LAMB4: variants seen among roughly 807,000 people sequenced by gnomAD.
LAMB4 encodes the protein laminin subunit beta-4.
A neutral mutation model predicts 199.2 loss-of-function variants in LAMB4; 196 were observed. The observed-to-expected ratio is 0.98, with a 90% CI of 0.88 to 1.11. LAMB4 has a LOEUF of 1.11. LAMB4 is among the 50% of genes least tolerant of loss of function. The probability of loss-of-function intolerance (pLI) is 0.00; values close to 1 mark genes in which losing one functional copy is unlikely to be tolerated. For synonymous variants in LAMB4, 744 were observed against 770.6 expected, an observed-to-expected ratio of 0.97 and a Z score of 0.57; for missense variants, 2,080 against 2,171.2, an observed-to-expected ratio of 0.96 and a Z score of 0.83.
chr7:108,060,098 C>T (rs745403899), intron 23 of LAMB4, among the ~76,000 whole-genome samples: 2 of 152,180 alleles, frequency 1.3e-5, no homozygotes, highest in Non-Finnish European at 2.9e-5. Flanking sequence ...TAAATATCCA[C>T]GTCTTCCCCG....
intron 6 of LAMB4, 133 bp from the exon 7 acceptor site, chr7:108,106,705 C>T: frequency 1.8e-6 from 1 of 569,154 alleles, no homozygotes; most frequent in Non-Finnish European, 3.2e-6. Context: ...GCTGAGACCA[C>T]AGGCATGCAC....
At chr7:108,069,639 T>C (rs1401994507) in intron 18 of LAMB4, 69 bp downstream of exon 18, 1 of 1,430,822 alleles carries the variant, frequency 7.0e-7, no homozygotes, top group East Asian at 2.3e-5. Context: ...CTAACATAAA[T>C]TGATTTGCTC....
At chr7:108,082,173 A>T (rs1043792890) in intron 14 of LAMB4, among the ~76,000 whole-genome samples, 4 of 152,128 alleles carry the variant, frequency 2.6e-5, no homozygotes, top group Non-Finnish European at 5.9e-5. Flanking sequence ...TACTAAAAAT[A>T]CAAAAAGTTA....
Position 108,066,491 on chromosome 7 carries a change from T to G in LAMB4, c.2556A>C (p.Ala852=), listed in dbSNP as rs1484155711. 3 of 1,614,164 alleles carry G rather than the reference T, an allele frequency of 1.9e-6. No individual in the cohort carries two copies. The Admixed American group carries it at 5.0e-5, about 27-fold the overall frequency. ...GGCAGCTGGGAAATCCAAAGTAGCC[T>G]GCCAGGCAGCGATCACAGCGGCGGC... The part of the protein sequence containing the change: ...VSGRRCDRCL[A]GYFGFPSCHP... Residue 852 remains alanine, a synonymous_variant, in exon 20 of 34, where the codon GCA becomes GCC. Coordinates refer to ENST00000388781, the MANE Select transcript of LAMB4 (RefSeq NM_007356.3).
chr7:108,077,890 A>T (rs901452592), intron 16 of LAMB4, among the ~76,000 whole-genome samples: 2 of 152,208 alleles, frequency 1.3e-5, no homozygotes, highest in Non-Finnish European at 2.9e-5. Flanking sequence ...CAATATTTAG[A>T]GTCAGGATAT....
chr7:108,123,214 T>C lies in LAMB4; in HGVS notation c.-33-17A>G. The C allele has an allele frequency of 2.0e-6, 3 of 1,472,802 alleles. No homozygotes were observed. Among genetic ancestry groups the C allele is most frequent in the Non-Finnish European group, 2.8e-6 (3 of 1,065,334 alleles). The allele number at this position is 1,472,802 out of a possible 1,614,324, so 91.2% of individuals were successfully genotyped here. A position where few individuals can be genotyped will look rare whatever the true frequency, so the allele number is the denominator to read the frequency against. ...TCAATTCTACTGGGTTAAAAAAAGG[T>C]TAAAGTCAATCACTGATAGAAGAAA... On this transcript the variant is annotated splice_polypyrimidine_tract_variant and intron_variant, in intron 1 of 33. Coordinates refer to ENST00000388781, the MANE Select transcript of LAMB4 (RefSeq NM_007356.3).
chr7:108,077,334 G>A lies in LAMB4; in HGVS notation c.2004-270C>T, dbSNP rs188035074. On this transcript the variant is annotated intron_variant, in intron 16 of 33. Coordinates refer to ENST00000388781, the MANE Select transcript of LAMB4 (RefSeq NM_007356.3). ...GTTGTTATGACAGCTCTGGGGAAAGGATGGTACAGAGGTCCTCATCCCGTC... is the reference window on the plus strand; with the variant it reads ...GTTGTTATGACAGCTCTGGGGAAAGAATGGTACAGAGGTCCTCATCCCGTC... Among the ~76,000 whole-genome samples the A allele has an allele frequency of 9.2e-5, 14 of 152,214 alleles. No individual in the cohort carries two copies. The East Asian group carries it at 2.5e-3, about 27-fold the overall frequency.
At chr7:108,050,183 C>G (rs1334399073) in intron 26 of LAMB4, among the ~76,000 whole-genome samples, 1 of 152,138 alleles carries the variant, frequency 6.6e-6, no homozygotes, top group African/African-American at 2.4e-5. Context: ...CAGGATTCAC[C>G]CTGATGCTGC....
intron 23 of LAMB4, 24 bp downstream of exon 23, chr7:108,062,750 C>T: frequency 7.6e-7 from 1 of 1,312,024 alleles, no homozygotes; most frequent in Non-Finnish European, 1.0e-6. Context: ...TTTGAGTGCA[C>T]TAGTAAGCTT....
chr7:108,078,175 T>C (rs2036777091), intron 16 of LAMB4, 26 bp downstream of exon 16: 4 of 1,422,826 alleles, frequency 2.8e-6, no homozygotes, highest in Admixed American at 1.9e-5. Flanking sequence ...AAGCTTTCAA[T>C]GTTTGAGGAC....
intron 30 of LAMB4, among the ~76,000 whole-genome samples, chr7:108,035,140 C>T (rs1432049971): frequency 6.6e-6 from 1 of 152,176 alleles, no homozygotes; most frequent in Non-Finnish European, 1.5e-5. Context: ...ATCCCACCGC[C>T]ACCACCATTT....
chr7:108,106,326 A>G (rs959816152), intron 7 of LAMB4, among the ~76,000 whole-genome samples, 183 bp downstream of exon 7: 4 of 152,068 alleles, frequency 2.6e-5, no homozygotes, highest in African/African-American at 9.7e-5. Flanking sequence ...GCCGAGGAAC[A>G]AGAATTGCTT....
At chr7:108,019,687 G>GC (rs995432563), downstream of LAMB4, among the ~76,000 whole-genome samples, 7 of 152,112 alleles carry the variant, frequency 4.6e-5, no homozygotes, top group African/African-American at 1.7e-4. Context: ...TCGCTAGGCA[G>GC]CTGTGTGCCT....
In LAMB4 at chr7:108,062,552, G is replaced by C. The variant is rs1332766219; in HGVS notation, c.3282+222C>G. 1.5e-5 allele frequency: 5 copies of C among 343,734 alleles called. No individual in the cohort carries two copies. The East Asian group carries it at 1.7e-4, about 12-fold the overall frequency. 21.3% of individuals were successfully genotyped at this position (343,734 alleles called of 1,614,324 possible). A position where few individuals can be genotyped will look rare whatever the true frequency, so the allele number is the denominator to read the frequency against. On this transcript the variant is annotated intron_variant, in intron 23 of 33. Coordinates refer to ENST00000388781, the MANE Select transcript of LAMB4 (RefSeq NM_007356.3). Reference sequence around the variant, plus strand: ...ATGAATTCTGACTTCCTCAGTCACAGAGAGAAAACTGAAGTAGGCGAAGCT... The same window carrying C: ...ATGAATTCTGACTTCCTCAGTCACACAGAGAAAACTGAAGTAGGCGAAGCT...
rs2074748 is a variant in LAMB4 at position 108,104,584 on chromosome 7, A to G, written c.906T>C (p.Asp302=). The G allele has an allele frequency of 0.027, 43,666 of 1,614,102 alleles. 1,790 individuals carry two copies. The highest frequency in any genetic ancestry group is 0.18 in the East Asian group (8,068 of 44,864). Reference sequence around the variant, plus strand: ...CCTTGCATCTCTCACAGTTCGGACCATCTGTATTGTGCTGACACACACACT... The same window carrying G: ...CCTTGCATCTCTCACAGTTCGGACCGTCTGTATTGTGCTGACACACACACT... ...HGQCVCQHNT[D]GPNCERCKDF... The change falls in exon 9 of 34, where the codon GAT becomes GAC. Residue 302 remains aspartate, a synonymous_variant. Coordinates refer to ENST00000388781, the MANE Select transcript of LAMB4 (RefSeq NM_007356.3).
intron 3 of LAMB4, 72 bp from the exon 4 acceptor site, chr7:108,112,018 G>C: frequency 1.6e-6 from 2 of 1,269,976 alleles, no homozygotes; most frequent in South Asian, 2.9e-5. Flanking sequence ...TTAAAGGCAA[G>C]CTGTACATAC....
intron 2 of LAMB4, among the ~76,000 whole-genome samples, chr7:108,122,214 ATCCTCAGTGG>A (rs2038625755): frequency 6.6e-6 from 1 of 152,226 alleles, no homozygotes; most frequent in Non-Finnish European, 1.5e-5. Context: ...AGGTAGAGTG[ATCCTCAGTGG>A]TCCCTTCTGA....
Position 108,068,042 on chromosome 7 carries a change from T to C in LAMB4, c.2420A>G (p.Tyr807Cys). 1 of 1,614,162 alleles carries C rather than the reference T, an allele frequency of 6.2e-7. No homozygotes were observed. ...GTGACAGCCGTGATGCCCCAAATCA[T>C]AGCTTCCAGTTGAGCACCTGTCACA... Reference protein sequence around the residue: ...RCCDRCSTGSYDLGHHGCHPC... With the variant: ...RCCDRCSTGSCDLGHHGCHPC... The change falls in exon 19 of 34, where the codon TAT (tyrosine) becomes TGT (cysteine). Residue 807 changes from tyrosine (Y) to cysteine (C), a missense_variant. Coordinates refer to ENST00000388781, the MANE Select transcript of LAMB4 (RefSeq NM_007356.3).
intron 24 of LAMB4, 46 bp downstream of exon 24, chr7:108,057,786 G>A: frequency 8.0e-7 from 1 of 1,252,926 alleles, no homozygotes; most frequent in Non-Finnish European, 1.2e-6. Flanking sequence ...CCATGGTAGG[G>A]CCAGGCTGAC....
Sources: allele counts gnomAD v4.1 joint callset (sites outside exome capture counted in the v4.1 genomes callset), GRCh38; gene constraint gnomAD v4.1.1; transcripts MANE v1.5; gene names NCBI Gene and HGNC (gene_info 2026-07-23, HGNC 2026-07-21).